The following DLG2 variants were observed in gnomAD, a reference collection of about 807,000 sequenced individuals.
DLG2 encodes discs large MAGUK scaffold protein 2.
A neutral mutation model predicts 132.5 loss-of-function variants in DLG2; 45 were observed. That is an observed-to-expected ratio of 0.34 (90% CI 0.27 to 0.44). The LOEUF is 0.44. DLG2 is among the 20% of genes least tolerant of loss of function. DLG2 has a pLI of 1.00. For missense variants in DLG2, 1,045 were observed against 1,196.9 expected (o/e 0.87, Z 1.87); for synonymous variants, 424 against 419.6 (o/e 1.01, Z -0.13).
intron 6 of DLG2, among the ~76,000 whole-genome samples, chr11:85,108,719 C>T (rs993697808): frequency 2.6e-5 from 4 of 152,012 alleles, no homozygotes; most frequent in African/African-American, 9.7e-5. Context: ...TACACTAGCT[C>T]TAGGGGAGAC....
At chr11:83,782,003 A>C (rs2094848714) in intron 18 of DLG2, among the ~76,000 whole-genome samples, 1 of 152,160 alleles carries the variant, frequency 6.6e-6, no homozygotes, top group South Asian at 2.1e-4. Context: ...AAAAAATGTT[A>C]GTGCTTTAAT....
intron 8 of DLG2, among the ~76,000 whole-genome samples, chr11:84,195,322 T>C (rs1387660163): frequency 6.6e-6 from 1 of 151,992 alleles, no homozygotes; most frequent in Non-Finnish European, 1.5e-5. Flanking sequence ...CGCCACCACG[T>C]CCAGGTAATT....
chr11:85,279,859 G>A (rs1394364935), intron 4 of DLG2, among the ~76,000 whole-genome samples: 1 of 152,060 alleles, frequency 6.6e-6, no homozygotes, highest in East Asian at 1.9e-4. Context: ...TTGTCTTCTG[G>A]AGCCTCACCA....
chr11:85,020,802 C>G (rs1403271382), intron 6 of DLG2: 10 of 728,428 alleles, frequency 1.4e-5, no homozygotes, highest in Non-Finnish European at 2.6e-5. Context: ...CTTCCTCAGC[C>G]TCTTTTTCAT....
intron 6 of DLG2, among the ~76,000 whole-genome samples, chr11:84,702,616 C>G (rs7129765): frequency 0.017 from 2,536 of 151,754 alleles, 69 homozygotes; most frequent in African/African-American, 0.057. Flanking sequence ...ACTCTTAACA[C>G]CTTTAGGCAT....
intron 11 of DLG2, among the ~76,000 whole-genome samples, chr11:84,029,109 T>C (rs576067054): frequency 6.6e-6 from 1 of 152,218 alleles, no homozygotes; most frequent in African/African-American, 2.4e-5. Flanking sequence ...ATATTAGCAA[T>C]TTATACCTAT....
chr11:85,334,391 T>A (rs1239933245), intron 3 of DLG2, among the ~76,000 whole-genome samples: 2 of 152,130 alleles, frequency 1.3e-5, no homozygotes, highest in Non-Finnish European at 2.9e-5. Context: ...AATTTTTTGT[T>A]TCATCTATAT....
chr11:84,802,019 A>C (rs1418567072), intron 6 of DLG2, among the ~76,000 whole-genome samples: 1 of 151,878 alleles, frequency 6.6e-6, no homozygotes, highest in African/African-American at 2.4e-5. Context: ...TGCTCATTTT[A>C]GGTAAGTCAT....
At chr11:83,790,665 T>C in intron 17 of DLG2, 1 of 970,936 alleles carries the variant, frequency 1.0e-6, no homozygotes, top group Non-Finnish European at 1.7e-6. Context: ...AGGGACATGA[T>C]GCGGACCCAC....
At chr11:83,772,016 A>T (rs1291281609) in intron 18 of DLG2, among the ~76,000 whole-genome samples, 1 of 152,116 alleles carries the variant, frequency 6.6e-6, no homozygotes, top group Non-Finnish European at 1.5e-5. Flanking sequence ...CTAGAAAATC[A>T]CACCAGTTAA....
At chr11:83,983,912 T>C (rs564208022) in intron 11 of DLG2, among the ~76,000 whole-genome samples, 9 of 152,212 alleles carry the variant, frequency 5.9e-5, no homozygotes, top group African/African-American at 2.2e-4. Context: ...TTACAAAAGT[T>C]TCTTAGCCAC....
rs373087360 is a variant in DLG2 at position 84,290,138 on chromosome 11, C to T, written c.520-38847G>A. 4.2e-4 allele frequency among the ~76,000 whole-genome samples: 64 copies of T among 152,200 alleles called. 1 individual carries two copies. In the South Asian group the frequency reaches 0.013, roughly 31 times the overall value. On this transcript the variant is annotated intron_variant, in intron 7 of 27. Coordinates refer to ENST00000376104, the MANE Select transcript of DLG2 (RefSeq NM_001142699.3). ...AACTCAGATCATGGTCTTCACTGAG[C>T]AAAGGCAAAAATATTTCTAATGCAA...
At chr11:84,824,881 C>A (rs1358452414) in intron 6 of DLG2, among the ~76,000 whole-genome samples, 19 of 151,850 alleles carry the variant, frequency 1.3e-4, no homozygotes, top group Admixed American at 1.2e-3. Context: ...TCCCCCTCAG[C>A]CACATCTCCC....
chr11:83,630,770 A>G (rs749926913), intron 19 of DLG2, among the ~76,000 whole-genome samples: 3 of 152,162 alleles, frequency 2.0e-5, no homozygotes, highest in Non-Finnish European at 2.9e-5. Flanking sequence ...ATCACAGGCA[A>G]GTCTCTGTCT....
At position 85,053,514 on chromosome 11, in the gene DLG2, C is replaced by T. The variant is rs573527241; in HGVS notation, c.357+58147G>A. On this transcript the variant is annotated intron_variant, in intron 6 of 27. Coordinates refer to ENST00000376104, the MANE Select transcript of DLG2 (RefSeq NM_001142699.3). ...AAAAATATAGTGAGTACAGGCCGGGCGTGGTGGCTCACGCCTGTAATCCCA... is the reference window on the plus strand; with the variant it reads ...AAAAATATAGTGAGTACAGGCCGGGTGTGGTGGCTCACGCCTGTAATCCCA... 9.2e-5 allele frequency among the ~76,000 whole-genome samples: 14 copies of T among 151,530 alleles called. 1 individual carries two copies. Among genetic ancestry groups the T allele is most frequent in the African/African-American group, 2.4e-4 (10 of 41,264 alleles).
intron 8 of DLG2, among the ~76,000 whole-genome samples, chr11:84,210,858 AAG>A (rs1270665527): frequency 2.0e-5 from 3 of 152,206 alleles, no homozygotes; most frequent in African/African-American, 4.8e-5. Flanking sequence ...AAAAAAAGAA[AAG>A]AGAACTTTCT....
intron 3 of DLG2, among the ~76,000 whole-genome samples, chr11:85,597,070 T>G (rs2079824319): frequency 6.6e-6 from 1 of 152,246 alleles, no homozygotes; most frequent in Admixed American, 6.5e-5. Flanking sequence ...AAATTCAAAC[T>G]ACATTATTGG....
intron 3 of DLG2, among the ~76,000 whole-genome samples, chr11:85,500,030 C>T (rs2093760503): frequency 6.6e-6 from 1 of 152,102 alleles, no homozygotes; most frequent in Non-Finnish European, 1.5e-5. Context: ...CCTTTGAAAA[C>T]TGGCACAAGA....
rs547400498 is a variant in DLG2 at position 84,378,095 on chromosome 11, T to C, written c.520-126804A>G. ...GTTCTTCTGCCTCCAAATTCATATA[T>C]TGAAGCCGTAACACTGACTGTGGCT... On this transcript the variant is annotated intron_variant, in intron 7 of 27. Coordinates refer to ENST00000376104, the MANE Select transcript of DLG2 (RefSeq NM_001142699.3). 2.6e-4 allele frequency among the ~76,000 whole-genome samples: 39 copies of C among 152,290 alleles called. 1 individual carries two copies. The South Asian group carries it at 7.5e-3, about 29-fold the overall frequency.
Sources: gnomAD v4.1 joint callset for allele counts (sites outside exome capture counted in the v4.1 genomes callset) on GRCh38, gnomAD v4.1.1 for gene constraint, MANE v1.5 for transcripts, NCBI Gene and HGNC (gene_info 2026-07-23, HGNC 2026-07-21) for gene names.